ELF2: variants seen among roughly 807,000 people sequenced by gnomAD.
ELF2 encodes the protein ETS-related transcription factor Elf-2.
A neutral mutation model predicts 54.8 loss-of-function variants in ELF2; 11 were observed. That is an observed-to-expected ratio of 0.20 (90% CI 0.13 to 0.33). The LOEUF (loss-of-function observed/expected upper bound fraction) is 0.33, where lower values mean the gene tolerates loss of function less well. ELF2 is among the 10% of genes least tolerant of loss of function. The pLI is 1.00. For synonymous variants in ELF2, 203 were observed against 245.1 expected (o/e 0.83, Z 1.61); for missense variants, 513 against 703.0 (o/e 0.73, Z 3.06).
chr4:139,147,839 T>C (rs896401551), intron 1 of ELF2, among the ~76,000 whole-genome samples: 1 of 131,340 alleles, frequency 7.6e-6, no homozygotes, highest in Non-Finnish European at 1.6e-5. Flanking sequence ...CAGGCTGGAG[T>C]GCAATGGCAC....
chr4:139,165,805 C>G (rs1741657996), intron 1 of ELF2, among the ~76,000 whole-genome samples: 1 of 152,174 alleles, frequency 6.6e-6, no homozygotes, highest in Non-Finnish European at 1.5e-5. Flanking sequence ...ATGGAAAGCA[C>G]TGACAAATAA....
chr4:139,115,133 G>A (rs1331032397), intron 4 of ELF2: 8 of 1,613,382 alleles, frequency 5.0e-6, no homozygotes, highest in African/African-American at 4.0e-5. Context: ...TCGTAGAGGC[G>A]CGTGAGCTGC....
At chr4:139,117,388 A>C (rs1435713292) in intron 4 of ELF2, among the ~76,000 whole-genome samples, 1 of 152,174 alleles carries the variant, frequency 6.6e-6, no homozygotes, top group East Asian at 1.9e-4. Context: ...AATACTTTCC[A>C]ATTTTTTCCA....
chr4:139,099,023 A>G (rs1733600955), intron 4 of ELF2, among the ~76,000 whole-genome samples: 1 of 152,190 alleles, frequency 6.6e-6, no homozygotes, highest in Non-Finnish European at 1.5e-5. Flanking sequence ...AACCTATCCC[A>G]AAGTTAGTAT....
chr4:139,117,274 A>AT (rs1017232420), intron 4 of ELF2, among the ~76,000 whole-genome samples: 2 of 152,204 alleles, frequency 1.3e-5, no homozygotes, highest in African/African-American at 2.4e-5. Context: ...ATTAAAATGC[A>AT]TTTTTTAAAA....
intron 7 of ELF2, among the ~76,000 whole-genome samples, chr4:139,065,556 A>C (rs1728568057): frequency 6.6e-6 from 1 of 152,212 alleles, no homozygotes; most frequent in South Asian, 2.1e-4. Flanking sequence ...TTTACCAGGT[A>C]ATAAGGAATT....
chr4:139,072,120 C>A (rs912348372), intron 5 of ELF2, 81 bp from the exon 6 acceptor site: 18 of 1,377,600 alleles, frequency 1.3e-5, no homozygotes, highest in Non-Finnish European at 1.6e-5. Context: ...TTAGAAGAGG[C>A]GAGGTGTGTT....
At chr4:139,133,306 C>T (rs1737742609) in intron 3 of ELF2, among the ~76,000 whole-genome samples, 2 of 152,138 alleles carry the variant, frequency 1.3e-5, no homozygotes, top group South Asian at 2.1e-4. Context: ...ATCAATTTTC[C>T]TCATTCTGTT....
chr4:139,088,550 G>T (rs1045153365), intron 4 of ELF2, among the ~76,000 whole-genome samples: 5 of 151,962 alleles, frequency 3.3e-5, no homozygotes, highest in African/African-American at 1.2e-4. Flanking sequence ...CCCTTCGTTT[G>T]ATTTTCATGA....
intron 4 of ELF2, chr4:139,115,388 G>A (rs1015066177): frequency 7.2e-5 from 73 of 1,019,784 alleles, no homozygotes; most frequent in Admixed American, 3.6e-4. Flanking sequence ...GGCCGCCGGG[G>A]CCACGTGCGC....
intron 4 of ELF2, among the ~76,000 whole-genome samples, chr4:139,078,441 T>C (rs1466765569): frequency 2.0e-5 from 3 of 151,926 alleles, no homozygotes; most frequent in African/African-American, 7.3e-5. Flanking sequence ...AAATGAAGAA[T>C]ACAAATGAAG....
chr4:139,079,809 G>T (rs1730845899), intron 4 of ELF2, among the ~76,000 whole-genome samples: 1 of 152,208 alleles, frequency 6.6e-6, no homozygotes, highest in African/African-American at 2.4e-5. Flanking sequence ...CTACTTGGGA[G>T]GCTGAAGTGG....
intron 9 of ELF2, 94 bp from the exon 10 acceptor site, chr4:139,059,701 TA>T (rs1727538663): frequency 6.9e-7 from 1 of 1,453,718 alleles, no homozygotes; most frequent in African/African-American, 1.4e-5. Flanking sequence ...CCAAAATGTG[TA>T]AAATTAGTGC....
At chr4:139,173,757 CAAA>C (rs1195159962) in intron 1 of ELF2, among the ~76,000 whole-genome samples, 1 of 47,598 alleles carries the variant, frequency 2.1e-5, no homozygotes, top group Non-Finnish European at 4.5e-5. Context: ...GACTCCGTCT[CAAA>C]AAAAAAAAAA....
intron 1 of ELF2, among the ~76,000 whole-genome samples, chr4:139,151,298 C>A (rs1184265927): frequency 6.6e-6 from 1 of 151,832 alleles, no homozygotes; most frequent in Non-Finnish European, 1.5e-5. Flanking sequence ...AGATGAGACA[C>A]CGAAAGCAAA....
chr4:139,084,432 G>A, intron 4 of ELF2: 5 of 1,184,458 alleles, frequency 4.2e-6, no homozygotes, highest in Non-Finnish European at 5.2e-6. Context: ...GGGGCGGCAG[G>A]GGCAGGGGCG....
chr4:139,095,473 C>G (rs1290712438), intron 4 of ELF2, among the ~76,000 whole-genome samples: 1 of 152,136 alleles, frequency 6.6e-6, no homozygotes, highest in Non-Finnish European at 1.5e-5. Flanking sequence ...GCATGAGCCA[C>G]TGTGCCAGCC....
At chr4:139,175,415 T>C (rs1280140128) in intron 1 of ELF2, among the ~76,000 whole-genome samples, 2 of 152,246 alleles carry the variant, frequency 1.3e-5, no homozygotes, top group Admixed American at 1.3e-4. Flanking sequence ...ATTTTCTATT[T>C]CATGTGTTTA....
chr4:139,085,462 G>C (rs1412621316), intron 4 of ELF2, among the ~76,000 whole-genome samples: 1 of 152,160 alleles, frequency 6.6e-6, no homozygotes, highest in Non-Finnish European at 1.5e-5. Flanking sequence ...GAACTGTGTA[G>C]AGAAAAAAAT....
Sources: gnomAD v4.1 joint callset for allele counts (sites outside exome capture counted in the v4.1 genomes callset) on GRCh38, gnomAD v4.1.1 for gene constraint, MANE v1.5 for transcripts, NCBI Gene and HGNC (gene_info 2026-07-23, HGNC 2026-07-21) for gene names.